FAR2: variants seen among roughly 807,000 people sequenced by gnomAD.
FAR2 encodes the protein fatty acyl-CoA reductase 2, also known as epididymis secretory protein Li 81.
Under a neutral mutation model 56.0 loss-of-function variants are expected in FAR2, and 19 were observed. The observed-to-expected ratio is 0.34, with a 90% confidence interval of 0.24 to 0.50. The LOEUF (loss-of-function observed/expected upper bound fraction) is 0.50. Among genes scored for constraint, FAR2 ranks in the 20% least tolerant of loss-of-function variants. FAR2 has a pLI of 0.98. For synonymous variants in FAR2, 219 were observed against 218.8 expected (o/e 1.00, Z -0.01); for missense variants, 508 against 642.2 (o/e 0.79, Z 2.26).
chr12:29,269,576 G>T (rs1591912822), intron 1 of FAR2, among the ~76,000 whole-genome samples: 1 of 152,284 alleles, frequency 6.6e-6, no homozygotes, highest in East Asian at 1.9e-4. Context: ...GTATTGACTG[G>T]GGAAGTGATA....
intron 8 of FAR2, among the ~76,000 whole-genome samples, chr12:29,314,112 G>C (rs1420732115): frequency 1.3e-5 from 2 of 152,186 alleles, no homozygotes; most frequent in African/African-American, 4.8e-5. Flanking sequence ...TGAGGATGTA[G>C]AAGTGCAGTT....
intron 9 of FAR2, among the ~76,000 whole-genome samples, chr12:29,318,782 A>C (rs899915724): frequency 6.6e-6 from 1 of 151,782 alleles, no homozygotes; most frequent in Non-Finnish European, 1.5e-5. Context: ...TTTTTTTTCT[A>C]CTGCAAATAG....
intron 1 of FAR2, among the ~76,000 whole-genome samples, chr12:29,190,279 G>A (rs1280804435): frequency 2.0e-5 from 3 of 150,658 alleles, no homozygotes; most frequent in African/African-American, 7.3e-5. Context: ...TGAAGCCAGG[G>A]GGCTAGATGG....
intron 1 of FAR2, among the ~76,000 whole-genome samples, chr12:29,175,130 A>G (rs1201296900): frequency 6.6e-6 from 1 of 152,166 alleles, no homozygotes; most frequent in African/African-American, 2.4e-5. Flanking sequence ...CCCAAATTCT[A>G]AGGAAAAGTA....
chr12:29,300,379 G>A (rs1591946312), intron 4 of FAR2, among the ~76,000 whole-genome samples: 1 of 152,014 alleles, frequency 6.6e-6, no homozygotes, highest in African/African-American at 2.4e-5. Flanking sequence ...CTATTTCAAC[G>A]ACTCCTATAC....
At chr12:29,287,702 A>C (rs1948900457) in intron 2 of FAR2, among the ~76,000 whole-genome samples, 1 of 152,214 alleles carries the variant, frequency 6.6e-6, no homozygotes, top group Non-Finnish European at 1.5e-5. Context: ...TTTGAAGAGA[A>C]AGACGTAGTA....
chr12:29,192,214 CT>C (rs1950108498), intron 1 of FAR2, among the ~76,000 whole-genome samples: 1 of 152,208 alleles, frequency 6.6e-6, no homozygotes, highest in Non-Finnish European at 1.5e-5. Flanking sequence ...GAATAATTCT[CT>C]CCATTGTTTT....
chr12:29,255,619 CTT>C (rs200836586), intron 1 of FAR2, among the ~76,000 whole-genome samples: 1 of 151,122 alleles, frequency 6.6e-6, no homozygotes, highest in Non-Finnish European at 1.5e-5. Context: ...TTTCTTTTTT[CTT>C]TTTTTTTCTT....
At position 29,149,397 on chromosome 12, in the gene FAR2, T is replaced by C. The variant is rs1949662052; in HGVS notation, c.-49T>C. On this transcript the variant is annotated 5_prime_UTR_variant, in exon 1 of 12. Transcript: ENST00000536681. ...CACTAGTTGGACCCCATCCTCGTGCTGGAGGAACAGGTATTCCAGGGTCCC... is the reference window on the plus strand; with the variant it reads ...CACTAGTTGGACCCCATCCTCGTGCCGGAGGAACAGGTATTCCAGGGTCCC... 1 of 152,382 alleles carries C rather than the reference T, an allele frequency of 6.6e-6. No homozygotes were observed. Among genetic ancestry groups the C allele is most frequent in the Admixed American group, 6.5e-5 (1 of 15,292 alleles). The allele number at this position is 152,382 out of a possible 1,614,324, so 9.4% of individuals were successfully genotyped here. A position where few individuals can be genotyped will look rare whatever the true frequency, so the allele number is the denominator to read the frequency against.
chr12:29,236,434 G>A (rs940720704), intron 1 of FAR2, among the ~76,000 whole-genome samples: 1 of 152,154 alleles, frequency 6.6e-6, no homozygotes, highest in African/African-American at 2.4e-5. Flanking sequence ...CCAAGACTGG[G>A]TAATTTATAA....
intron 10 of FAR2, among the ~76,000 whole-genome samples, chr12:29,324,480 T>G (rs1738575862): frequency 6.6e-6 from 1 of 152,028 alleles, no homozygotes; most frequent in East Asian, 1.9e-4. Flanking sequence ...AGGAAAAAAG[T>G]GTTAAGAGCA....
At chr12:29,328,482 C>T (rs1488641341) in intron 10 of FAR2, among the ~76,000 whole-genome samples, 3 of 152,144 alleles carry the variant, frequency 2.0e-5, no homozygotes, top group Non-Finnish European at 4.4e-5. Context: ...ATGGCAAAGA[C>T]TTGGAACCAA....
At chr12:29,208,949 A>G (rs1368395525) in intron 1 of FAR2, among the ~76,000 whole-genome samples, 1 of 152,168 alleles carries the variant, frequency 6.6e-6, no homozygotes, top group Admixed American at 6.5e-5. Context: ...TGAGGAAACC[A>G]ACCTGCTTTA....
chr12:29,257,994 C>T (rs1198977473), intron 1 of FAR2, among the ~76,000 whole-genome samples: 2 of 152,158 alleles, frequency 1.3e-5, no homozygotes, highest in African/African-American at 4.8e-5. Context: ...AATCCTACCA[C>T]AGTGTTATAC....
intron 1 of FAR2, among the ~76,000 whole-genome samples, chr12:29,239,701 G>C (rs1217592232): frequency 6.6e-6 from 1 of 152,124 alleles, no homozygotes; most frequent in Non-Finnish European, 1.5e-5. Context: ...CAAAGGCAGA[G>C]AAATATTATC....
intron 1 of FAR2, among the ~76,000 whole-genome samples, chr12:29,195,086 C>T (rs1950134309): frequency 6.6e-6 from 1 of 152,024 alleles, no homozygotes; most frequent in Non-Finnish European, 1.5e-5. Flanking sequence ...AAAGAGAAGC[C>T]CTATAAATTC....
intron 1 of FAR2, among the ~76,000 whole-genome samples, chr12:29,264,615 C>CT (rs1948479072): frequency 1.2e-5 from 1 of 80,820 alleles, no homozygotes; most frequent in African/African-American, 5.7e-5. Context: ...GATCCTGTCT[C>CT]AAAATAAATA....
intron 1 of FAR2, among the ~76,000 whole-genome samples, chr12:29,235,889 C>G (rs1357943356): frequency 6.6e-6 from 1 of 152,052 alleles, no homozygotes; most frequent in East Asian, 1.9e-4. Flanking sequence ...TTAAAAAATA[C>G]AAAACCTAGG....
chr12:29,292,934 T>A (rs1948995273), intron 2 of FAR2: 1 of 155,342 alleles, frequency 6.4e-6, no homozygotes. Flanking sequence ...TCCAGAAAGA[T>A]CTTTAACAGT....
Sources: gnomAD v4.1 joint callset for allele counts (sites outside exome capture counted in the v4.1 genomes callset) on GRCh38, gnomAD v4.1.1 for gene constraint, MANE v1.5 for transcripts, NCBI Gene and HGNC (gene_info 2026-07-23, HGNC 2026-07-21) for gene names.